BMPR1A: variants seen among roughly 807,000 people sequenced by gnomAD.
BMPR1A encodes the protein bone morphogenetic protein receptor type-1A.
In BMPR1A, 7 loss-of-function variants were observed where a neutral mutation model predicts 66.0. That is an observed-to-expected ratio of 0.11 (90% CI 0.06 to 0.20). The LOEUF is 0.20. Ranked by LOEUF, BMPR1A falls within the 10% of genes least tolerant of loss-of-function variation. The pLI, the probability that BMPR1A is intolerant of heterozygous loss-of-function variation, is 1.00. For synonymous variants in BMPR1A, 200 were observed against 229.7 expected, an observed-to-expected ratio of 0.87 and a Z score of 1.17; for missense variants, 408 against 669.1, an observed-to-expected ratio of 0.61 and a Z score of 4.31.
chr10:86,869,067 T>G (rs1378440672), intron 2 of BMPR1A, among the ~76,000 whole-genome samples: 1 of 152,202 alleles, frequency 6.6e-6, no homozygotes, highest in Non-Finnish European at 1.5e-5. Flanking sequence ...TTCTTCACTT[T>G]GCAAGATTAG....
At chr10:86,777,752 G>T (rs757547694) in intron 1 of BMPR1A, among the ~76,000 whole-genome samples, 1 of 152,020 alleles carries the variant, frequency 6.6e-6, no homozygotes, top group Non-Finnish European at 1.5e-5. Flanking sequence ...AGTGGCTCAT[G>T]CCTGTAATCC....
At position 86,797,866 on chromosome 10, in the gene BMPR1A, G is replaced by A. The variant is rs547152824; in HGVS notation, c.-268+40947G>A. 2.6e-5 allele frequency among the ~76,000 whole-genome samples: 4 copies of A among 151,974 alleles called. No individual in the cohort carries two copies. The South Asian group carries it at 8.3e-4, about 32-fold the overall frequency. ...GTTTGAAAGTGACTAGTGAGAATTG[G>A]GTTGGTTGCTGTAGGATATTGTCAT... is the stretch of plus-strand genomic sequence containing the variant. On this transcript the variant is annotated intron_variant, in intron 1 of 12. Coordinates refer to ENST00000372037, the MANE Select transcript of BMPR1A (RefSeq NM_004329.3).
At chr10:86,811,321 G>A (rs184554177) in intron 1 of BMPR1A, among the ~76,000 whole-genome samples, 1 of 152,322 alleles carries the variant, frequency 6.6e-6, no homozygotes, top group Admixed American at 6.5e-5. Context: ...TTACAGGCGT[G>A]AGCCACCACT....
At chr10:86,775,267 G>A (rs1350809856) in intron 1 of BMPR1A, among the ~76,000 whole-genome samples, 1 of 152,228 alleles carries the variant, frequency 6.6e-6, no homozygotes, top group African/African-American at 2.4e-5. Context: ...AGCAATAGCC[G>A]TGTGAGAAGT....
At chr10:86,855,550 G>A (rs928242701) in intron 2 of BMPR1A, 1 of 472,950 alleles carries the variant, frequency 2.1e-6, no homozygotes, top group African/African-American at 2.0e-5. Flanking sequence ...TTTGAAAATA[G>A]TATTTCTATT....
chr10:86,854,569 G>A (rs149622963), intron 2 of BMPR1A: 1 of 154,778 alleles, frequency 6.5e-6, no homozygotes, highest in African/African-American at 2.4e-5. Context: ...CTTCTGCCAT[G>A]GCTTTAGCCA....
chr10:86,824,523 A>T (rs769224869), intron 1 of BMPR1A, among the ~76,000 whole-genome samples: 2 of 152,174 alleles, frequency 1.3e-5, no homozygotes, highest in Non-Finnish European at 2.9e-5. Flanking sequence ...ACGGACATGG[A>T]GCAGCGCTGT....
At chr10:86,835,981 C>T (rs1286638837) in intron 1 of BMPR1A, among the ~76,000 whole-genome samples, 1 of 152,132 alleles carries the variant, frequency 6.6e-6, no homozygotes, top group Non-Finnish European at 1.5e-5. Context: ...TTTCATTTTT[C>T]CATGTCATTA....
rs547475185 is a variant in BMPR1A, at chr10:86,817,183, C to T, written c.-267-21682C>T. ...GTGCAACCATCACCACCATCCATCT[C>T]CCATACTCTTTTCATCTGGTGAAGC... is the stretch of plus-strand genomic sequence containing the variant. On this transcript the variant is annotated intron_variant, in intron 1 of 12. Transcript: ENST00000372037. Among the ~76,000 whole-genome samples the T allele has an allele frequency of 9.7e-4, 148 of 152,266 alleles. 2 individuals carry two copies. The South Asian group carries it at 0.015, about 15-fold the overall frequency.
At chr10:86,901,351 C>T (rs1290892779) in intron 7 of BMPR1A, among the ~76,000 whole-genome samples, 1 of 152,236 alleles carries the variant, frequency 6.6e-6, no homozygotes, top group African/African-American at 2.4e-5. Context: ...TTTGCTAACA[C>T]AGTATTGGAT....
At chr10:86,782,420 A>G (rs995472845) in intron 1 of BMPR1A, among the ~76,000 whole-genome samples, 2 of 152,174 alleles carry the variant, frequency 1.3e-5, no homozygotes, top group African/African-American at 2.4e-5. Flanking sequence ...TGTTTTTCAT[A>G]GTGATTGTAC....
intron 3 of BMPR1A, among the ~76,000 whole-genome samples, chr10:86,879,230 T>C (rs549383494): frequency 2.9e-4 from 44 of 152,302 alleles, no homozygotes; most frequent in Admixed American, 3.9e-4. Context: ...TGAGGTAAGC[T>C]TGAGTTGACA....
intron 5 of BMPR1A, among the ~76,000 whole-genome samples, chr10:86,896,468 ACTTAT>A (rs1402575031): frequency 9.9e-5 from 15 of 152,180 alleles, no homozygotes; most frequent in Admixed American, 2.6e-4. Context: ...ATTTTTATGT[ACTTAT>A]CTTTGATGTG....
intron 2 of BMPR1A, chr10:86,855,943 A>C: frequency 1.6e-6 from 1 of 638,454 alleles, no homozygotes; most frequent in Non-Finnish European, 2.9e-6. Flanking sequence ...TAATGGCTTT[A>C]CTGCATAACT....
At chr10:86,799,234 A>G (rs971252725) in intron 1 of BMPR1A, among the ~76,000 whole-genome samples, 10 of 152,210 alleles carry the variant, frequency 6.6e-5, no homozygotes, top group African/African-American at 1.9e-4. Context: ...CTAACCAACC[A>G]TTTCTGCTGG....
chr10:86,862,944 ATTG>A (rs1285088252), intron 2 of BMPR1A, among the ~76,000 whole-genome samples: 1 of 151,362 alleles, frequency 6.6e-6, no homozygotes, highest in Non-Finnish European at 1.5e-5. Context: ...TGCTGATAAC[ATTG>A]TTAAGTCAAT....
intron 1 of BMPR1A, among the ~76,000 whole-genome samples, chr10:86,805,267 A>G (rs182144076): frequency 6.6e-6 from 1 of 152,174 alleles, no homozygotes; most frequent in East Asian, 1.9e-4. Context: ...GAAAAGATGT[A>G]GGAATACCAT....
intron 7 of BMPR1A, among the ~76,000 whole-genome samples, chr10:86,909,151 T>C (rs890112492): frequency 2.0e-5 from 3 of 152,026 alleles, no homozygotes; most frequent in African/African-American, 7.2e-5. Context: ...AATATAACTG[T>C]AAGGAGGATG....
intron 1 of BMPR1A, among the ~76,000 whole-genome samples, chr10:86,831,252 G>T (rs1341122199): frequency 6.6e-6 from 1 of 152,146 alleles, no homozygotes; most frequent in Non-Finnish European, 1.5e-5. Flanking sequence ...GAGTACTTGT[G>T]TGTACGGTTT....
Sources: gnomAD v4.1 joint callset for allele counts (sites outside exome capture counted in the v4.1 genomes callset) on GRCh38, gnomAD v4.1.1 for gene constraint, MANE v1.5 for transcripts, NCBI Gene and HGNC (gene_info 2026-07-23, HGNC 2026-07-21) for gene names.